The following ETV6 variants were observed in gnomAD, a reference collection of about 807,000 sequenced individuals.
The protein encoded by ETV6 is ETS variant transcription factor 6.
ETV6 carries 16 observed loss-of-function variants against 51.1 expected under a neutral mutation model. The ratio of observed to expected loss-of-function variants is 0.31; its 90% CI spans 0.21 to 0.48. The LOEUF (loss-of-function observed/expected upper bound fraction) is 0.48. ETV6 is among the 20% of genes least tolerant of loss of function. ETV6 has a pLI of 0.99. For synonymous variants in ETV6, 240 were observed against 224.1 expected (o/e 1.07, Z -0.64); for missense variants, 458 against 594.8 (o/e 0.77, Z 2.39).
At chr12:11,874,822 C>T (rs1946954170) in intron 5 of ETV6, among the ~76,000 whole-genome samples, 2 of 147,540 alleles carry the variant, frequency 1.4e-5, no homozygotes, top group African/African-American at 5.0e-5. Context: ...GAATTGTTCT[C>T]ACTCATAGGT....
At chr12:11,741,523 G>C (rs530949229) in intron 1 of ETV6, among the ~76,000 whole-genome samples, 1 of 152,308 alleles carries the variant, frequency 6.6e-6, no homozygotes, top group East Asian at 1.9e-4. Context: ...ACACTGCTCC[G>C]TGTGGAGCTC....
intron 2 of ETV6, among the ~76,000 whole-genome samples, chr12:11,810,666 CCT>C (rs1945900027): frequency 6.6e-6 from 1 of 152,210 alleles, no homozygotes; most frequent in South Asian, 2.1e-4. Context: ...GTCAGATTTT[CCT>C]CTCTGTTCCT....
At chr12:11,867,049 G>T (rs750014371) in intron 4 of ETV6, among the ~76,000 whole-genome samples, 1 of 152,192 alleles carries the variant, frequency 6.6e-6, no homozygotes, top group Non-Finnish European at 1.5e-5. Flanking sequence ...CAGGGGGAAA[G>T]CTGTTTAAAT....
rs963304682 is a variant in ETV6, at chr12:11,869,187, G to A, written c.464-237G>A. Among the ~76,000 whole-genome samples, 1 of 150,962 alleles carries A rather than the reference G, an allele frequency of 6.6e-6. No homozygotes were observed. Among genetic ancestry groups the A allele is most frequent in the South Asian group, 2.1e-4 (1 of 4,798 alleles). ...GGAGGCAGAGCTTGCAGTGAGCCGA[G>A]ATCGTGCCACTGCACTCCAGCCTGG... On this transcript the variant is annotated intron_variant, in intron 4 of 7. Transcript: ENST00000396373. The surrounding 1 kb of genome is among the most constrained non-coding windows in gnomAD (Gnocchi z 5.0).
intron 2 of ETV6, among the ~76,000 whole-genome samples, chr12:11,809,905 C>T (rs2723815): frequency 0.2 from 29,782 of 149,218 alleles, 3,635 homozygotes; most frequent in East Asian, 0.31. Context: ...CTGCAACTTC[C>T]GCCTCCCAGA....
At chr12:11,697,525 TG>T (rs1398295685) in intron 1 of ETV6, among the ~76,000 whole-genome samples, 3 of 152,224 alleles carry the variant, frequency 2.0e-5, no homozygotes, top group African/African-American at 7.2e-5. Context: ...TTAGAGAATA[TG>T]ACCAAGATTA....
At chr12:11,803,848 C>T (rs1020308095) in intron 2 of ETV6, among the ~76,000 whole-genome samples, 1 of 152,152 alleles carries the variant, frequency 6.6e-6, no homozygotes, top group Non-Finnish European at 1.5e-5. Flanking sequence ...TTGCTATTTT[C>T]AATGCATACT....
At chr12:11,787,093 G>T (rs570113792) in intron 2 of ETV6, among the ~76,000 whole-genome samples, 3 of 152,168 alleles carry the variant, frequency 2.0e-5, no homozygotes, top group African/African-American at 7.2e-5. Context: ...CAAATGTCTC[G>T]TGGTAATTCT....
chr12:11,664,216 C>G (rs972741796), intron 1 of ETV6, among the ~76,000 whole-genome samples: 1 of 152,192 alleles, frequency 6.6e-6, no homozygotes, highest in Non-Finnish European at 1.5e-5. Flanking sequence ...CTTGTTACTA[C>G]GATGCCATGC....
At chr12:11,884,354 A>C in intron 5 of ETV6, 91 bp from the exon 6 acceptor site, 1 of 1,407,982 alleles carries the variant, frequency 7.1e-7, no homozygotes, top group South Asian at 1.2e-5. Flanking sequence ...AGCTAGGCAG[A>C]AGCAGTTGCT....
At chr12:11,821,226 T>C (rs369019887) in intron 2 of ETV6, among the ~76,000 whole-genome samples, 3 of 149,960 alleles carry the variant, frequency 2.0e-5, no homozygotes, top group African/African-American at 7.4e-5. Flanking sequence ...ATTAGCTGGG[T>C]GTGGTGGTGG....
chr12:11,743,963 A>G (rs183516187), intron 1 of ETV6, among the ~76,000 whole-genome samples: 3 of 152,296 alleles, frequency 2.0e-5, no homozygotes, highest in African/African-American at 7.2e-5. Flanking sequence ...GGAGGAGTTA[A>G]TAGTTAAGGC....
At chr12:11,860,843 A>G (rs943771867) in intron 4 of ETV6, among the ~76,000 whole-genome samples, 8 of 152,304 alleles carry the variant, frequency 5.3e-5, no homozygotes, top group African/African-American at 1.7e-4. Flanking sequence ...CATTCTCAAT[A>G]TCGCAACTAC....
At chr12:11,853,681 T>A in intron 4 of ETV6, 120 bp downstream of exon 4, 1 of 1,144,878 alleles carries the variant, frequency 8.7e-7, no homozygotes, top group South Asian at 1.4e-5. Flanking sequence ...TAGACAATTA[T>A]TGAGTGCTTA....
intron 1 of ETV6, among the ~76,000 whole-genome samples, chr12:11,738,982 G>A (rs1865760541): frequency 6.6e-6 from 1 of 152,190 alleles, no homozygotes; most frequent in Admixed American, 6.5e-5. Context: ...GTGATGATTT[G>A]TGTTGGGGAG....
chr12:11,834,158 C>T (rs1946282894), intron 2 of ETV6, among the ~76,000 whole-genome samples: 1 of 152,158 alleles, frequency 6.6e-6, no homozygotes, highest in African/African-American at 2.4e-5. Flanking sequence ...GGCAAAATGA[C>T]TAAGCAAGGA....
chr12:11,823,656 C>T (rs1002595153), intron 2 of ETV6, among the ~76,000 whole-genome samples: 26 of 152,030 alleles, frequency 1.7e-4, no homozygotes, highest in African/African-American at 2.4e-4. Context: ...TCAGTAGAGA[C>T]GGGGTTTCAC....
chr12:11,698,300 T>C (rs1864916912), intron 1 of ETV6, among the ~76,000 whole-genome samples: 1 of 152,242 alleles, frequency 6.6e-6, no homozygotes, highest in African/African-American at 2.4e-5. Context: ...GCCACAAATT[T>C]AGTGGTTTAA....
intron 3 of ETV6, among the ~76,000 whole-genome samples, chr12:11,848,081 AT>A (rs1272762470): frequency 1.3e-5 from 2 of 152,122 alleles, no homozygotes; most frequent in African/African-American, 2.4e-5. Flanking sequence ...TTTTTGCCAG[AT>A]TTTGTGAGAC....
Sources: allele counts gnomAD v4.1 joint callset (sites outside exome capture counted in the v4.1 genomes callset), GRCh38; gene constraint gnomAD v4.1.1; non-coding constraint Gnocchi (gnomAD v3.1); transcripts MANE v1.5; gene names NCBI Gene and HGNC (gene_info 2026-07-23, HGNC 2026-07-21).